DIAPH1: variants seen among roughly 807,000 people sequenced by gnomAD.
The protein encoded by DIAPH1 is protein diaphanous homolog 1.
In DIAPH1, 46 loss-of-function variants were observed where a neutral mutation model predicts 140.7. That is an observed-to-expected ratio of 0.33 (90% CI 0.26 to 0.42). The LOEUF is 0.42. DIAPH1 is among the 10% of genes least tolerant of loss of function. The pLI is 1.00. For synonymous variants in DIAPH1, 565 were observed against 551.6 expected, an observed-to-expected ratio of 1.02 and a Z score of -0.34; for missense variants, 1,310 against 1,558.7, an observed-to-expected ratio of 0.84 and a Z score of 2.69.
rs2099900192 is a variant in DIAPH1, at chr5:141,601,881, T to C, written c.118-13631A>G. Among the ~76,000 whole-genome samples the C allele has an allele frequency of 3.3e-5, 5 of 152,196 alleles. No homozygotes were observed. In the South Asian group the frequency reaches 8.3e-4, roughly 25 times the overall value. On this transcript the variant is annotated intron_variant, in intron 1 of 27. Coordinates refer to ENST00000389054, the MANE Select transcript of DIAPH1 (RefSeq NM_005219.5). The stretch of plus-strand genomic sequence containing the variant: ...GTAAATCAAACCTTCAAGAGTAATG[T>C]CTTTCCTTATGAATGAGACCAAGGA...
At chr5:141,562,606 C>CAAAAAA (rs754741971) in intron 18 of DIAPH1, among the ~76,000 whole-genome samples, 24 of 76,800 alleles carry the variant, frequency 3.1e-4, no homozygotes, top group South Asian at 9.1e-4. Flanking sequence ...CTTACCTATG[C>CAAAAAA]AAAAAAAAAA....
intron 18 of DIAPH1, among the ~76,000 whole-genome samples, chr5:141,554,388 G>C (rs2099892227): frequency 6.6e-6 from 1 of 151,978 alleles, no homozygotes; most frequent in Non-Finnish European, 1.5e-5. Context: ...TATCCAATAA[G>C]AAAAAACCAG....
chr5:141,583,734 T>TC, intron 4 of DIAPH1, 119 bp from the exon 5 acceptor site: 1 of 1,380,378 alleles, frequency 7.2e-7, no homozygotes. Context: ...AGAGACAAGG[T>TC]CTTACTACGT....
intron 24 of DIAPH1, among the ~76,000 whole-genome samples, chr5:141,526,978 A>T (rs2099887426): frequency 6.6e-6 from 1 of 152,228 alleles, no homozygotes. Context: ...TGGCCAAGAC[A>T]TATGTGCAAA....
chr5:141,535,195 C>T (rs1349258234), intron 18 of DIAPH1, among the ~76,000 whole-genome samples: 1 of 152,208 alleles, frequency 6.6e-6, no homozygotes, highest in Non-Finnish European at 1.5e-5. Flanking sequence ...AGCAATCTGC[C>T]TGCCTCAGCC....
Position 141,618,941 on chromosome 5 carries a change from C to A in DIAPH1, c.-27G>T, listed in dbSNP as rs749524827. The A allele has an allele frequency of 2.0e-4, 272 of 1,368,644 alleles. No individual in the cohort carries two copies. The highest frequency in any genetic ancestry group is 2.5e-4 in the Non-Finnish European group (259 of 1,021,314). The allele number at this position is 1,368,644 out of a possible 1,614,324, so 84.8% of individuals were successfully genotyped here. ...TCCCGGTTCACGCTGGCCGGCGACCCCGCGCCTACGCCGCTCCCGCCTGGC... is the reference window on the plus strand; with the variant it reads ...TCCCGGTTCACGCTGGCCGGCGACCACGCGCCTACGCCGCTCCCGCCTGGC... On this transcript the variant is annotated 5_prime_UTR_variant, in exon 1 of 28. Transcript: ENST00000389054.
chr5:141,553,502 G>A (rs764558371), intron 18 of DIAPH1, among the ~76,000 whole-genome samples: 11 of 151,760 alleles, frequency 7.2e-5, no homozygotes, highest in East Asian at 3.9e-4. Flanking sequence ...TTAGCCAGGC[G>A]TGGTGGTGGG....
At chr5:141,574,755 G>GT (rs1191457299) in intron 15 of DIAPH1, among the ~76,000 whole-genome samples, 1 of 151,928 alleles carries the variant, frequency 6.6e-6, no homozygotes, top group Non-Finnish European at 1.5e-5. Context: ...TATTCTTAAT[G>GT]TTTTTCTGTA....
chr5:141,527,500 C>T, intron 24 of DIAPH1, 73 bp downstream of exon 24: 1 of 1,551,410 alleles, frequency 6.4e-7, no homozygotes, highest in East Asian at 2.2e-5. Context: ...CCTATCTATC[C>T]TGTTTTTCCC....
chr5:141,602,901 A>G (rs2099900383), intron 1 of DIAPH1, among the ~76,000 whole-genome samples: 1 of 152,182 alleles, frequency 6.6e-6, no homozygotes, highest in African/African-American at 2.4e-5. Context: ...CAGAGAAACA[A>G]ACTAGATTCT....
At chr5:141,596,599 A>T (rs1466728421) in intron 1 of DIAPH1, among the ~76,000 whole-genome samples, 1 of 152,176 alleles carries the variant, frequency 6.6e-6, no homozygotes, top group Non-Finnish European at 1.5e-5. Flanking sequence ...TTCATTAATA[A>T]TTTTTATATT....
chr5:141,596,426 C>T (rs1246900273), intron 1 of DIAPH1, among the ~76,000 whole-genome samples: 3 of 151,792 alleles, frequency 2.0e-5, no homozygotes, highest in African/African-American at 7.3e-5. Flanking sequence ...TCAGCTGAGC[C>T]CCCAGAGGTT....
intron 2 of DIAPH1, among the ~76,000 whole-genome samples, chr5:141,587,660 T>G (rs1201967061): frequency 6.6e-6 from 1 of 152,220 alleles, no homozygotes; most frequent in African/African-American, 2.4e-5. Context: ...AGGATAAATT[T>G]GTCCTTAAAG....
At chr5:141,567,984 G>A (rs2099894630) in intron 18 of DIAPH1, among the ~76,000 whole-genome samples, 1 of 152,092 alleles carries the variant, frequency 6.6e-6, no homozygotes, top group East Asian at 1.9e-4. Flanking sequence ...TAAATATTTG[G>A]AGAACTGTTC....
In DIAPH1 at chr5:141,575,380, G is replaced by A. The variant is rs2099895805; in HGVS notation, c.1462-234C>T. ...AAATCAAGGTTTGGCTGGGCGGAGT[G>A]GCTCACACCTGTAATCCCAGCACTT... On this transcript the variant is annotated intron_variant, in intron 14 of 27. Transcript: ENST00000389054. Among the ~76,000 whole-genome samples the A allele has an allele frequency of 3.3e-5, 5 of 152,298 alleles. No homozygotes were observed. The South Asian group carries it at 1.0e-3, about 32-fold the overall frequency.
chr5:141,611,663 GATAC>G (rs2099901854), intron 1 of DIAPH1, among the ~76,000 whole-genome samples: 2 of 152,144 alleles, frequency 1.3e-5, no homozygotes, highest in African/African-American at 4.8e-5. Flanking sequence ...CTTCACGGAC[GATAC>G]ATAGATAGCA....
chr5:141,602,296 A>G (rs377137013), intron 1 of DIAPH1, among the ~76,000 whole-genome samples: 16 of 152,298 alleles, frequency 1.1e-4, no homozygotes, highest in African/African-American at 3.6e-4. Flanking sequence ...GGCTCACTGC[A>G]AGCTACGCCC....
At chr5:141,561,854 G>A (rs1199455180) in intron 18 of DIAPH1, 1 of 152,292 alleles carries the variant, frequency 6.6e-6, no homozygotes, top group East Asian at 1.9e-4. Flanking sequence ...CTAAGTTCTA[G>A]AGCAATTCAT....
At chr5:141,553,473 C>G (rs905002687) in intron 18 of DIAPH1, among the ~76,000 whole-genome samples, 1 of 151,826 alleles carries the variant, frequency 6.6e-6, no homozygotes, top group African/African-American at 2.4e-5. Flanking sequence ...AACCCCAACT[C>G]TACTAAAAAT....
Sources: allele counts gnomAD v4.1 joint callset (sites outside exome capture counted in the v4.1 genomes callset), GRCh38; gene constraint gnomAD v4.1.1; transcripts MANE v1.5; gene names NCBI Gene and HGNC (gene_info 2026-07-23, HGNC 2026-07-21).